MAST2: variants seen among roughly 807,000 people sequenced by gnomAD.
MAST2 encodes microtubule associated serine/threonine kinase 2, also known as microtubule-associated serine/threonine-protein kinase 2.
Under a neutral mutation model 147.4 loss-of-function variants are expected in MAST2, and 70 were observed. The observed-to-expected ratio is 0.47, with a 90% confidence interval of 0.39 to 0.58. The LOEUF is 0.58. Among genes scored for constraint, MAST2 ranks in the 20% least tolerant of loss-of-function variants. MAST2 has a pLI of 0.00. For missense variants in MAST2, 2,080 were observed against 2,302.3 expected (o/e 0.90, Z 1.98); for synonymous variants, 869 against 896.8 (o/e 0.97, Z 0.55).
chr1:45,857,526 T>C (rs1462654099), intron 3 of MAST2, among the ~76,000 whole-genome samples: 1 of 152,204 alleles, frequency 6.6e-6, no homozygotes, highest in Non-Finnish European at 1.5e-5. Context: ...CTGTACTTTG[T>C]GCTGGATGGG....
At chr1:45,969,871 G>A (rs1339893735) in intron 5 of MAST2, among the ~76,000 whole-genome samples, 3 of 152,146 alleles carry the variant, frequency 2.0e-5, no homozygotes, top group Admixed American at 6.5e-5. Flanking sequence ...TGCCAAAAAG[G>A]TTGGGGAATG....
At chr1:45,838,232 T>C in intron 3 of MAST2, among the ~76,000 whole-genome samples, 1 of 107,840 alleles carries the variant, frequency 9.3e-6, no homozygotes, top group African/African-American at 3.4e-5. Flanking sequence ...TTTTTTTTTT[T>C]TTTTTGAGAT....
chr1:45,868,360 C>T (rs1398892397), intron 3 of MAST2, among the ~76,000 whole-genome samples: 2 of 152,204 alleles, frequency 1.3e-5, no homozygotes, highest in Non-Finnish European at 2.9e-5. Flanking sequence ...GTTATCAACT[C>T]TCTTAGTGCC....
Position 45,882,344 on chromosome 1 carries a change from G to A in MAST2, c.469-20G>A. The A allele has an allele frequency of 6.2e-7, 1 of 1,603,226 alleles. No homozygotes were observed. The highest frequency in any genetic ancestry group is 8.5e-7 in the Non-Finnish European group (1 of 1,170,354). On this transcript the variant is annotated intron_variant, in intron 3 of 28. Coordinates refer to ENST00000361297, the MANE Select transcript of MAST2 (RefSeq NM_015112.3). ...TCAGATGGGTTCTTATTTCTAACTT[G>A]CATATGTTTTGTTTTTCAGAAGGAG...
At chr1:45,908,217 C>CT (rs1651096393) in intron 4 of MAST2, among the ~76,000 whole-genome samples, 1 of 151,580 alleles carries the variant, frequency 6.6e-6, no homozygotes, top group South Asian at 2.1e-4. Flanking sequence ...TTTTATTATA[C>CT]TTTAAGTTCT....
intron 5 of MAST2, among the ~76,000 whole-genome samples, chr1:45,963,371 C>T (rs1031490917): frequency 3.3e-5 from 5 of 152,138 alleles, no homozygotes; most frequent in South Asian, 2.1e-4. Context: ...GCCATTTTCA[C>T]GATATTGATT....
chr1:46,023,466 T>C lies in MAST2; in HGVS notation c.1571+148T>C. ...CAGAAGCCTCCTGGGTGGGCAGGAG[T>C]TCAGATTCCTCTGACATCCGATCAT... On this transcript the variant is annotated intron_variant, in intron 14 of 28. Transcript: ENST00000361297. This position sits in a 1 kb window ranked among gnomAD's most constrained non-coding sequence, Gnocchi z 4.9. The C allele has an allele frequency of 1.4e-6, 1 of 707,718 alleles. No individual in the cohort carries two copies. The highest frequency in any genetic ancestry group is 2.6e-5 in the Admixed American group (1 of 38,032). 43.8% of individuals were successfully genotyped at this position (707,718 alleles called of 1,614,324 possible). A position where few individuals can be genotyped will look rare whatever the true frequency, so the allele number is the denominator to read the frequency against.
At chr1:45,889,607 G>T (rs760297931) in intron 4 of MAST2, among the ~76,000 whole-genome samples, 1 of 151,806 alleles carries the variant, frequency 6.6e-6, no homozygotes, top group East Asian at 1.9e-4. Context: ...GTTTTGTTTC[G>T]TTTTGTTTTG....
chr1:45,892,752 C>G (rs1648042644), intron 4 of MAST2, among the ~76,000 whole-genome samples: 1 of 152,218 alleles, frequency 6.6e-6, no homozygotes, highest in South Asian at 2.1e-4. Flanking sequence ...AAAACAGAAT[C>G]TCTCTGCATG....
In MAST2 at chr1:46,031,296, G is replaced by T; in HGVS notation, c.2992+6G>T. 6.5e-7 allele frequency: 1 copy of T among 1,542,152 alleles called. No homozygotes were observed. The highest frequency in any genetic ancestry group is 8.8e-7 in the Non-Finnish European group (1 of 1,140,622). ...GAGCAGTGGTTCCAGTCCAGGTATG[G>T]CCCAGTGGGCGGCCAAACGACCTAA... On this transcript the variant is annotated splice_donor_region_variant and intron_variant, in intron 23 of 28. Coordinates refer to ENST00000361297, the MANE Select transcript of MAST2 (RefSeq NM_015112.3). The surrounding 1 kb of genome is among the most constrained non-coding windows in gnomAD (Gnocchi z 4.1).
chr1:45,862,331 A>T (rs953863756), intron 3 of MAST2, among the ~76,000 whole-genome samples: 1 of 152,212 alleles, frequency 6.6e-6, no homozygotes, highest in African/African-American at 2.4e-5. Context: ...AAGATGGGGT[A>T]TGTTCAGGAA....
At chr1:45,886,822 T>C (rs1203520065) in intron 4 of MAST2, among the ~76,000 whole-genome samples, 1 of 152,146 alleles carries the variant, frequency 6.6e-6, no homozygotes, top group East Asian at 1.9e-4. Flanking sequence ...TCTTTTGCTG[T>C]TGTTGTTATT....
intron 3 of MAST2, among the ~76,000 whole-genome samples, chr1:45,859,505 C>G (rs1645907213): frequency 6.6e-6 from 1 of 152,074 alleles, no homozygotes; most frequent in Non-Finnish European, 1.5e-5. Flanking sequence ...AGCAGTGAAA[C>G]AAAGTGGTGC....
intron 4 of MAST2, among the ~76,000 whole-genome samples, chr1:45,912,518 A>G (rs895146771): frequency 1.1e-4 from 16 of 152,246 alleles, no homozygotes; most frequent in Admixed American, 2.6e-4. Context: ...ATAATGTCTT[A>G]CTAAAGAGGT....
At chr1:45,996,498 T>A (rs1306074064) in intron 5 of MAST2, among the ~76,000 whole-genome samples, 2 of 151,648 alleles carry the variant, frequency 1.3e-5, no homozygotes, top group African/African-American at 4.8e-5. Flanking sequence ...TGGGGAGAGG[T>A]CATAACAGAT....
intron 5 of MAST2, among the ~76,000 whole-genome samples, chr1:45,967,790 TG>T (rs1661454997): frequency 6.6e-6 from 1 of 152,216 alleles, no homozygotes; most frequent in Non-Finnish European, 1.5e-5. Flanking sequence ...AAAGGTCCAC[TG>T]TAATCCAAAT....
intron 4 of MAST2, among the ~76,000 whole-genome samples, chr1:45,922,755 G>A (rs375688356): frequency 5.3e-5 from 8 of 152,120 alleles, no homozygotes; most frequent in African/African-American, 9.7e-5. Flanking sequence ...CCACCAACTC[G>A]GAAGGGGTGG....
intron 4 of MAST2, among the ~76,000 whole-genome samples, chr1:45,945,107 C>T (rs1306834191): frequency 6.6e-6 from 1 of 152,070 alleles, no homozygotes; most frequent in Non-Finnish European, 1.5e-5. Context: ...CATAACCAGC[C>T]TGGGCAACAT....
intron 5 of MAST2, among the ~76,000 whole-genome samples, chr1:45,983,154 A>C (rs1183329494): frequency 6.6e-6 from 1 of 152,196 alleles, no homozygotes; most frequent in African/African-American, 2.4e-5. Flanking sequence ...CATATTTGGT[A>C]ATGTAGAATG....
Sources: allele counts gnomAD v4.1 joint callset (sites outside exome capture counted in the v4.1 genomes callset), GRCh38; gene constraint gnomAD v4.1.1; non-coding constraint Gnocchi (gnomAD v3.1); transcripts MANE v1.5; gene names NCBI Gene and HGNC (gene_info 2026-07-23, HGNC 2026-07-21).